The following HIVEP2 variants were observed in gnomAD, a reference collection of about 807,000 sequenced individuals.
The protein encoded by HIVEP2 is HIVEP zinc finger 2, also known as transcription factor HIVEP2.
HIVEP2 carries 14 observed loss-of-function variants against 180.7 expected under a neutral mutation model. The ratio of observed to expected loss-of-function variants is 0.08; its 90% CI spans 0.05 to 0.12. The LOEUF is 0.12. HIVEP2 is among the 10% of genes least tolerant of loss of function. The pLI, the probability that HIVEP2 is intolerant of heterozygous loss-of-function variation, is 1.00. For synonymous variants in HIVEP2, 1,184 were observed against 1,136.4 expected (o/e 1.04, Z -0.84); for missense variants, 2,579 against 3,008.5 (o/e 0.86, Z 3.34).
intron 2 of HIVEP2, among the ~76,000 whole-genome samples, chr6:142,792,227 T>A (rs1776155338): frequency 6.6e-6 from 1 of 152,088 alleles, no homozygotes; most frequent in Non-Finnish European, 1.5e-5. Context: ...TTTCTTTCCA[T>A]CCCTTTCGGG....
intron 1 of HIVEP2, among the ~76,000 whole-genome samples, chr6:142,911,162 T>G (rs200289916): frequency 7.3e-5 from 8 of 109,798 alleles, no homozygotes; most frequent in Non-Finnish European, 1.3e-4. Context: ...AAAAAAAAAC[T>G]TAAAAATAAG....
At position 142,759,788 on chromosome 6, in the gene HIVEP2, A is replaced by G. The variant is rs1775174607; in HGVS notation, c.6500T>C (p.Ile2167Thr). Residue 2167 changes from isoleucine to threonine, a missense_variant, in exon 9 of 10, where the codon ATT becomes ACT. Ile to Thr is a moderately conservative substitution (Grantham distance 89). Around this residue, in one of 11 missense-constraint regions of HIVEP2, gnomAD observed 660 missense variants for 731.7 expected, o/e 0.90. Transcript: ENST00000367603. ...SMGQYLQAEP[I>T]VLGPPNLRRG... ...TATACTTACAGGAGGCCCCAATACA[A>G]TTGGCTCTGCTTGCAAATACTGTCC... 7 of 1,604,802 alleles carry G rather than the reference A, an allele frequency of 4.4e-6. No homozygotes were observed. The highest frequency in any genetic ancestry group is 5.9e-6 in the Non-Finnish European group (7 of 1,176,938).
At chr6:142,825,924 T>C (rs914125068) in intron 2 of HIVEP2, among the ~76,000 whole-genome samples, 1 of 151,992 alleles carries the variant, frequency 6.6e-6, no homozygotes, top group Non-Finnish European at 1.5e-5. Flanking sequence ...AAAGGGCATA[T>C]GTAAAATAAA....
At chr6:142,784,028 G>C (rs1254252465) in intron 2 of HIVEP2, among the ~76,000 whole-genome samples, 4 of 152,088 alleles carry the variant, frequency 2.6e-5, no homozygotes, top group African/African-American at 9.7e-5. Context: ...GTTTATTTCA[G>C]CAATGTTATA....
intron 1 of HIVEP2, among the ~76,000 whole-genome samples, chr6:142,909,142 G>C (rs1308384986): frequency 6.6e-6 from 1 of 152,042 alleles, no homozygotes; most frequent in African/African-American, 2.4e-5. Context: ...TTCTTAATTA[G>C]AATGCATGCT....
intron 1 of HIVEP2, among the ~76,000 whole-genome samples, chr6:142,901,486 A>G (rs1277591046): frequency 6.6e-6 from 1 of 152,190 alleles, no homozygotes; most frequent in Non-Finnish European, 1.5e-5. Context: ...CTACTACCCT[A>G]TTGTTTGGAA....
intron 2 of HIVEP2, among the ~76,000 whole-genome samples, chr6:142,787,212 C>T (rs1161505553): frequency 6.6e-6 from 1 of 151,716 alleles, no homozygotes; most frequent in Non-Finnish European, 1.5e-5. Flanking sequence ...GCTATAATTG[C>T]ACCAGTCTGG....
At chr6:142,793,640 C>CTTT (rs1562521208) in intron 2 of HIVEP2, among the ~76,000 whole-genome samples, 1 of 37,166 alleles carries the variant, frequency 2.7e-5, no homozygotes, top group African/African-American at 8.4e-5. Context: ...TTCTTTCTTT[C>CTTT]TTTCTTTCTT....
chr6:142,772,640 T>A lies in HIVEP2; in HGVS notation c.2099A>T (p.Glu700Val). ...GTCCTCTTCATCCCCTACGCTCTTC[T>A]CTTTCCGGCGTTTCCTGTTTTCACA... ...TTCENRKRRK[E>V]KSVGDEEDTP... The change falls in exon 5 of 10, where the codon GAG (glutamate) becomes GTG (valine). Residue 700 changes from glutamate (E) to valine (V), a missense_variant. Physicochemically the swap from Glu to Val is moderately radical, Grantham distance 121. This residue lies in a region of HIVEP2 where 524 missense variants were observed against 563.6 expected (regional missense o/e 0.93). Transcript: ENST00000367603. The surrounding 1 kb of genome is among the most constrained non-coding windows in gnomAD (Gnocchi z 4.9). 1 of 1,614,234 alleles carries A rather than the reference T, an allele frequency of 6.2e-7. No homozygotes were observed. Among genetic ancestry groups the A allele is most frequent in the Middle Eastern group, 1.6e-4 (1 of 6,062 alleles).
Position 142,752,192 on chromosome 6 carries a change from T to C in HIVEP2, c.*915A>G, listed in dbSNP as rs1391431756. On this transcript the variant is annotated 3_prime_UTR_variant, in exon 10 of 10. Coordinates refer to ENST00000367603, the MANE Select transcript of HIVEP2 (RefSeq NM_006734.4). ...TAAAATTGTACCAGTGATGCACTTG[T>C]ACATATTTACATGGGGTGGAATGTT... The C allele has an allele frequency of 6.5e-6, 1 of 152,674 alleles. No homozygotes were observed. Among genetic ancestry groups the C allele is most frequent in the Non-Finnish European group, 1.5e-5 (1 of 68,044 alleles). The allele number at this position is 152,674 out of a possible 1,614,324, so 9.5% of individuals were successfully genotyped here. A position where few individuals can be genotyped will look rare whatever the true frequency, so the allele number is the denominator to read the frequency against.
intron 1 of HIVEP2, among the ~76,000 whole-genome samples, chr6:142,931,547 C>T: frequency 6.6e-6 from 1 of 152,082 alleles, no homozygotes; most frequent in Non-Finnish European, 1.5e-5. Flanking sequence ...ATCAGCAATA[C>T]ACTTACTTTA....
intron 2 of HIVEP2, among the ~76,000 whole-genome samples, chr6:142,789,398 A>C (rs1776084238): frequency 6.6e-6 from 1 of 152,198 alleles, no homozygotes; most frequent in South Asian, 2.1e-4. Flanking sequence ...TGTTTTCTTG[A>C]CCCAATTTGA....
chr6:142,816,636 G>T (rs1184017774), intron 2 of HIVEP2, among the ~76,000 whole-genome samples: 1 of 152,124 alleles, frequency 6.6e-6, no homozygotes, highest in Non-Finnish European at 1.5e-5. Flanking sequence ...CCACACAAAT[G>T]TGCTCCAAGA....
chr6:142,905,733 T>C (rs1342952670), intron 1 of HIVEP2, among the ~76,000 whole-genome samples: 1 of 152,212 alleles, frequency 6.6e-6, no homozygotes, highest in African/African-American at 2.4e-5. Context: ...CCTTTAACTA[T>C]TAATGGTTCA....
At chr6:142,904,755 C>CTT (rs1777221344) in intron 1 of HIVEP2, among the ~76,000 whole-genome samples, 1 of 152,124 alleles carries the variant, frequency 6.6e-6, no homozygotes, top group South Asian at 2.1e-4. Context: ...AACACCATAA[C>CTT]CTATATTACT....
intron 2 of HIVEP2, among the ~76,000 whole-genome samples, chr6:142,815,542 A>C (rs1370595742): frequency 6.6e-6 from 1 of 152,196 alleles, no homozygotes; most frequent in African/African-American, 2.4e-5. Context: ...GATTCCATTA[A>C]AACAAAAGGT....
intron 1 of HIVEP2, among the ~76,000 whole-genome samples, chr6:142,888,690 AAG>A (rs2128420110): frequency 6.6e-6 from 1 of 152,252 alleles, no homozygotes; most frequent in South Asian, 2.1e-4. Context: ...AGGTATATTC[AAG>A]AGAGTCATCC....
chr6:142,772,814 C>T lies in HIVEP2; in HGVS notation c.1925G>A (p.Arg642Gln), dbSNP rs201987264. ...GTCCTCCCACTTCTTATAGGGTTTC[C>T]GACAGACATCATAGTCATACCCAAC... ...DRVGYDYDVCRKPYKKWEDSE... is the reference protein window; with the variant it reads ...DRVGYDYDVCQKPYKKWEDSE... Residue 642 changes from arginine (R) to glutamine (Q), a missense_variant, in exon 5 of 10, where the codon CGG (arginine) becomes CAG (glutamine). By Grantham distance (43) the Arg-to-Gln change is conservative. Around this residue, in one of 11 missense-constraint regions of HIVEP2, gnomAD observed 524 missense variants for 563.6 expected, o/e 0.93. Transcript: ENST00000367603. This position sits in a 1 kb window ranked among gnomAD's most constrained non-coding sequence, Gnocchi z 4.9. 8.7e-5 allele frequency: 141 copies of T among 1,614,018 alleles called. No individual in the cohort carries two copies. In the Admixed American group the frequency reaches 1.1e-3, roughly 13 times the overall value.
intron 2 of HIVEP2, among the ~76,000 whole-genome samples, chr6:142,834,017 T>G (rs535825939): frequency 2.6e-5 from 4 of 152,280 alleles, no homozygotes; most frequent in Non-Finnish European, 5.9e-5. Flanking sequence ...ATACTGAAAC[T>G]TAAAGGTCTA....
Sources: gnomAD v4.1 joint callset for allele counts (sites outside exome capture counted in the v4.1 genomes callset) on GRCh38, gnomAD v4.1.1 for gene constraint, gnomAD v4.1.1 regional missense constraint, Gnocchi (gnomAD v3.1) non-coding constraint, MANE v1.5 for transcripts, NCBI Gene and HGNC (gene_info 2026-07-23, HGNC 2026-07-21) for gene names.